Variants in PTCHD4 observed in about 807,000 individuals in gnomAD.
PTCHD4 encodes patched domain containing 4.
PTCHD4 carries 33 observed loss-of-function variants against 58.1 expected under a neutral mutation model. The observed-to-expected ratio is 0.57, with a 90% CI of 0.43 to 0.76. PTCHD4 has a LOEUF of 0.76. PTCHD4 is among the 30% of genes least tolerant of loss of function. The probability of loss-of-function intolerance (pLI) is 0.00; values close to 1 mark genes in which losing one functional copy is unlikely to be tolerated. For missense variants in PTCHD4, 1,058 were observed against 1,027.1 expected (o/e 1.03, Z -0.41); for synonymous variants, 478 against 409.6 (o/e 1.17, Z -2.02).
At chr6:48,108,651 C>A (rs1765798773) in intron 1 of PTCHD4, among the ~76,000 whole-genome samples, 1 of 151,706 alleles carries the variant, frequency 6.6e-6, no homozygotes, top group Non-Finnish European at 1.5e-5. Context: ...CTTTTACTAT[C>A]TTTCCCTCCA....
intron 4 of PTCHD4, chr6:47,900,335 C>T (rs1180338118): frequency 6.6e-6 from 1 of 152,182 alleles, no homozygotes; most frequent in Non-Finnish European, 1.5e-5. Flanking sequence ...ATATGATGTG[C>T]TCAATGTGGT....
At chr6:47,880,045 A>G in intron 4 of PTCHD4, 109 bp from the exon 5 acceptor site, 1 of 870,374 alleles carries the variant, frequency 1.1e-6, no homozygotes, top group South Asian at 2.1e-5. Context: ...TCTAATCTTC[A>G]AAGGGCTGTG....
intron 1 of PTCHD4, among the ~76,000 whole-genome samples, chr6:48,107,409 T>C (rs1765754497): frequency 6.6e-6 from 1 of 152,206 alleles, no homozygotes. Context: ...TGTAGAAAGC[T>C]GAAATGGATC....
chr6:47,983,988 T>A, intron 4 of PTCHD4, among the ~76,000 whole-genome samples: 1 of 152,300 alleles, frequency 6.6e-6, no homozygotes, highest in South Asian at 2.1e-4. Context: ...TATATTTAAA[T>A]AAACTGTATT....
At chr6:48,027,259 C>T (rs13196545) in intron 3 of PTCHD4, among the ~76,000 whole-genome samples, 26,680 of 151,882 alleles carry the variant, frequency 0.18, 2,514 homozygotes, top group African/African-American at 0.24. Context: ...CCTTAAACTC[C>T]CAGGAACATA....
intron 3 of PTCHD4, among the ~76,000 whole-genome samples, chr6:48,062,302 A>G (rs1288580396): frequency 6.6e-6 from 1 of 152,092 alleles, no homozygotes; most frequent in Admixed American, 6.6e-5. Context: ...TGGTCTCCTT[A>G]TACACTTCCA....
chr6:47,933,708 T>C (rs908868452), intron 4 of PTCHD4, among the ~76,000 whole-genome samples: 2 of 152,140 alleles, frequency 1.3e-5, no homozygotes, highest in African/African-American at 4.8e-5. Flanking sequence ...CTTTTGGAAA[T>C]CATGAGTACT....
At chr6:48,022,033 A>G (rs1169839065) in intron 3 of PTCHD4, among the ~76,000 whole-genome samples, 1 of 152,110 alleles carries the variant, frequency 6.6e-6, no homozygotes, top group South Asian at 2.1e-4. Flanking sequence ...TTGGGAGTGA[A>G]GTTAGTTGTG....
chr6:47,924,154 T>C (rs901562056), intron 4 of PTCHD4, among the ~76,000 whole-genome samples: 7 of 152,116 alleles, frequency 4.6e-5, no homozygotes, highest in Non-Finnish European at 1.0e-4. Flanking sequence ...CTGGTTCTTG[T>C]GAGCCTCCCC....
At chr6:48,044,174 C>A (rs1196988803) in intron 3 of PTCHD4, among the ~76,000 whole-genome samples, 2 of 151,726 alleles carry the variant, frequency 1.3e-5, no homozygotes, top group African/African-American at 2.4e-5. Flanking sequence ...ATGAACTGAG[C>A]AATTTTTTTG....
intron 1 of PTCHD4, among the ~76,000 whole-genome samples, chr6:48,079,117 C>CAAAAAAA (rs398001467): frequency 1.4e-5 from 1 of 73,162 alleles, no homozygotes; most frequent in Non-Finnish European, 3.0e-5. Flanking sequence ...AATTCCATCA[C>CAAAAAAA]AAAAAAAAAA....
chr6:47,915,542 A>G (rs1765215958), intron 4 of PTCHD4, among the ~76,000 whole-genome samples: 1 of 151,182 alleles, frequency 6.6e-6, no homozygotes, highest in Admixed American at 6.7e-5. Context: ...CTCAGCTGGT[A>G]GAAAAGACTC....
chr6:47,951,760 A>G (rs1766661706), intron 4 of PTCHD4, among the ~76,000 whole-genome samples: 1 of 152,162 alleles, frequency 6.6e-6, no homozygotes, highest in Non-Finnish European at 1.5e-5. Flanking sequence ...TATTAAGTAG[A>G]TAAATGTCAA....
At chr6:48,013,518 G>C (rs1206295644) in intron 3 of PTCHD4, among the ~76,000 whole-genome samples, 1 of 151,708 alleles carries the variant, frequency 6.6e-6, no homozygotes, top group Non-Finnish European at 1.5e-5. Flanking sequence ...ATATTACCAT[G>C]AGCTGCAAGT....
chr6:47,990,183 G>A (rs1768227521), intron 4 of PTCHD4, among the ~76,000 whole-genome samples: 1 of 152,182 alleles, frequency 6.6e-6, no homozygotes, highest in South Asian at 2.1e-4. Context: ...TAGCCCCATT[G>A]TATCTAGAAA....
At chr6:47,924,121 A>C (rs1765519916) in intron 4 of PTCHD4, among the ~76,000 whole-genome samples, 1 of 152,064 alleles carries the variant, frequency 6.6e-6, no homozygotes, top group Non-Finnish European at 1.5e-5. Context: ...CATGGAATTC[A>C]CTATCTTGGT....
At chr6:48,003,406 G>A (rs1412919105) in intron 4 of PTCHD4, among the ~76,000 whole-genome samples, 1 of 152,100 alleles carries the variant, frequency 6.6e-6, no homozygotes, top group Non-Finnish European at 1.5e-5. Context: ...CTCTAAGCCT[G>A]GGGTCATCAT....
At chr6:48,048,479 A>G (rs1764116559) in intron 3 of PTCHD4, among the ~76,000 whole-genome samples, 1 of 152,078 alleles carries the variant, frequency 6.6e-6, no homozygotes, top group Middle Eastern at 3.4e-3. Flanking sequence ...AAACTCTCTC[A>G]GGGCAACCTA....
Position 47,862,508 on chromosome 6 carries a change from T to C in PTCHD4, c.*15795A>G, listed in dbSNP as rs956700705. ...CAACCTGTTTATTTATTTGGTTTCC[T>C]GGCCATTTGTCAATTTTTTTCTTCA... On this transcript the variant is annotated 3_prime_UTR_variant, in exon 5 of 5. Transcript: ENST00000339488. 2.0e-5 allele frequency among the ~76,000 whole-genome samples: 3 copies of C among 151,838 alleles called. No homozygotes were observed. Among genetic ancestry groups the C allele is most frequent in the Non-Finnish European group, 4.4e-5 (3 of 67,834 alleles).
Sources: gnomAD v4.1 joint callset for allele counts (sites outside exome capture counted in the v4.1 genomes callset) on GRCh38, gnomAD v4.1.1 for gene constraint, MANE v1.5 for transcripts, NCBI Gene and HGNC (gene_info 2026-07-23, HGNC 2026-07-21) for gene names.